The following LARGE1 variants were observed in gnomAD, a reference collection of about 807,000 sequenced individuals.
LARGE1 encodes the protein LARGE xylosyl- and glucuronyltransferase 1.
A neutral mutation model predicts 87.6 loss-of-function variants in LARGE1; 43 were observed. The observed-to-expected ratio is 0.49, with a 90% CI of 0.38 to 0.63. LARGE1 has a LOEUF of 0.63. Ranked by LOEUF, LARGE1 falls within the 30% of genes least tolerant of loss-of-function variation. LARGE1 has a pLI of 0.00. For synonymous variants in LARGE1, 434 were observed against 394.6 expected (o/e 1.10, Z -1.18); for missense variants, 802 against 1,000.2 (o/e 0.80, Z 2.67).
At chr22:33,383,599 A>C (rs1016030897) in intron 8 of LARGE1, among the ~76,000 whole-genome samples, 1 of 152,174 alleles carries the variant, frequency 6.6e-6, no homozygotes. Context: ...ATTTGCTAAC[A>C]GTTTGGTAGA....
At chr22:33,474,778 T>A (rs958358635) in intron 6 of LARGE1, among the ~76,000 whole-genome samples, 1 of 151,468 alleles carries the variant, frequency 6.6e-6, no homozygotes, top group Admixed American at 6.6e-5. Flanking sequence ...AAATAAGGAG[T>A]GTGGAAAAAG....
At chr22:33,209,295 C>G (rs563463259) in intron 11 of LARGE1, among the ~76,000 whole-genome samples, 1 of 152,326 alleles carries the variant, frequency 6.6e-6, no homozygotes, top group Non-Finnish European at 1.5e-5. Context: ...CCCTCCAGAA[C>G]TAACAAATGC....
chr22:33,326,275 C>T lies in LARGE1; in HGVS notation c.1288-10027G>A, dbSNP rs555050546. Among the ~76,000 whole-genome samples the T allele has an allele frequency of 2.5e-4, 38 of 152,286 alleles. 1 individual carries two copies. The highest frequency in any genetic ancestry group is 1.4e-3 in the Admixed American group (21 of 15,300). ...CCTCCCAGTTATCAGTATTAATTCA[C>T]GCATCACATACAATTCATAGGCTCT... On this transcript the variant is annotated intron_variant, in intron 10 of 14. Coordinates refer to ENST00000397394, the MANE Select transcript of LARGE1 (RefSeq NM_133642.5).
chr22:33,266,451 TG>T (rs2145764660), intron 11 of LARGE1, among the ~76,000 whole-genome samples: 1 of 151,710 alleles, frequency 6.6e-6, no homozygotes, highest in South Asian at 2.1e-4. Context: ...CTTGAACTCC[TG>T]ACCTCAGCTG....
At chr22:33,808,038 T>C (rs1309352985) in intron 1 of LARGE1, among the ~76,000 whole-genome samples, 3 of 152,198 alleles carry the variant, frequency 2.0e-5, no homozygotes, top group South Asian at 2.1e-4. Flanking sequence ...AGATTCTGGG[T>C]TGTATGGTAA....
rs369666262 is a variant in LARGE1, at chr22:33,440,987, A to C, written c.788-8722T>G. ...GCAGTCAATGGAAGAGCCAGGAGCC[A>C]AAACCAAAACTCTGGCTTGAAGTTC... On this transcript the variant is annotated intron_variant, in intron 6 of 14. Transcript: ENST00000397394. 4.0e-4 allele frequency among the ~76,000 whole-genome samples: 61 copies of C among 152,220 alleles called. 1 individual carries two copies. In the South Asian group the frequency reaches 0.012, roughly 30 times the overall value.
intron 1 of LARGE1, among the ~76,000 whole-genome samples, chr22:33,815,233 G>A (rs1166915901): frequency 6.6e-6 from 1 of 152,168 alleles, no homozygotes; most frequent in Non-Finnish European, 1.5e-5. Flanking sequence ...TGAGACCAAA[G>A]GAGAACTGAA....
chr22:33,579,728 GT>G (rs2078458449), intron 5 of LARGE1, among the ~76,000 whole-genome samples: 1 of 152,186 alleles, frequency 6.6e-6, no homozygotes, highest in Admixed American at 6.5e-5. Context: ...GTCATCCAGA[GT>G]GGCCCCTAGC....
chr22:33,610,695 A>G (rs1039409887), intron 4 of LARGE1, among the ~76,000 whole-genome samples: 1 of 152,166 alleles, frequency 6.6e-6, no homozygotes, highest in Admixed American at 6.5e-5. Flanking sequence ...GCATAACTAA[A>G]AAGGGGCCAG....
At chr22:33,284,629 G>A (rs1426233259) in intron 12 of LARGE1, among the ~76,000 whole-genome samples, 1 of 151,984 alleles carries the variant, frequency 6.6e-6, no homozygotes, top group Non-Finnish European at 1.5e-5. Context: ...CCAGGCTGGA[G>A]TGCAGTGGTG....
Position 33,761,513 on chromosome 22 carries a change from T to G in LARGE1, c.-37A>C. ...TGGCAATCCCTAATCCCAGCGCCGT[T>G]TCTCTGTCCGGAGCATGAAGTCCTC... On this transcript the variant is annotated 5_prime_UTR_variant, in exon 2 of 15. Coordinates refer to ENST00000397394, the MANE Select transcript of LARGE1 (RefSeq NM_133642.5). The G allele has an allele frequency of 6.5e-7, 1 of 1,538,036 alleles. No homozygotes were observed.
At chr22:33,855,746 A>G (rs1165080504) in intron 1 of LARGE1, among the ~76,000 whole-genome samples, 3 of 152,166 alleles carry the variant, frequency 2.0e-5, no homozygotes, top group Non-Finnish European at 4.4e-5. Context: ...GGGGTTCCTT[A>G]CTTTTTCATC....
At chr22:33,268,137 A>G (rs892541220), downstream of LARGE1, among the ~76,000 whole-genome samples, 12 of 151,100 alleles carry the variant, frequency 7.9e-5, no homozygotes, top group African/African-American at 3.0e-4. Flanking sequence ...TATTTTTAGT[A>G]GAGATGGGGT....
intron 10 of LARGE1, among the ~76,000 whole-genome samples, chr22:33,317,748 T>C (rs1238271459): frequency 2.0e-5 from 3 of 152,142 alleles, no homozygotes; most frequent in Non-Finnish European, 1.5e-5. Context: ...AGAACTGAAA[T>C]TAAAAAGTGA....
chr22:33,184,088 C>CTATATATATATATATATA (rs144013990), intron 11 of LARGE1, among the ~76,000 whole-genome samples: 1,602 of 105,164 alleles, frequency 0.015, 113 homozygotes, highest in Admixed American at 0.019. Context: ...AATCAGTACA[C>CTATATATATATATATATA]TATATATATA....
chr22:33,809,582 T>C (rs926412750), intron 1 of LARGE1, among the ~76,000 whole-genome samples: 1 of 152,244 alleles, frequency 6.6e-6, no homozygotes, highest in African/African-American at 2.4e-5. Context: ...CACTTTCCAA[T>C]GGAAATATTA....
rs532647551 is a variant in LARGE1 at position 33,719,527 on chromosome 22, A to T, written c.106+41844T>A. 5.4e-5 allele frequency among the ~76,000 whole-genome samples: 8 copies of T among 148,484 alleles called. No homozygotes were observed. In the South Asian group the frequency reaches 8.4e-4, roughly 16 times the overall value. On this transcript the variant is annotated intron_variant, in intron 2 of 14. Transcript: ENST00000397394. ...TATTTATTTATTTATTTATTTATTT[A>T]TTTATTTTTTTGAGACAGAGTCTCA...
At chr22:33,620,755 C>A (rs936682339) in intron 4 of LARGE1, among the ~76,000 whole-genome samples, 2 of 152,022 alleles carry the variant, frequency 1.3e-5, no homozygotes, top group Non-Finnish European at 2.9e-5. Flanking sequence ...AACCCCATCT[C>A]CACTAAAAAA....
intron 2 of LARGE1, among the ~76,000 whole-genome samples, chr22:33,724,604 A>G (rs936748027): frequency 5.3e-4 from 81 of 152,340 alleles, no homozygotes; most frequent in Admixed American, 2.0e-3. Context: ...CCCACAGGCT[A>G]TGGTACGGGA....
Sources: allele counts gnomAD v4.1 joint callset (sites outside exome capture counted in the v4.1 genomes callset), GRCh38; gene constraint gnomAD v4.1.1; transcripts MANE v1.5; gene names NCBI Gene and HGNC (gene_info 2026-07-23, HGNC 2026-07-21).